The following DPP6 variants were observed in gnomAD, a reference collection of about 807,000 sequenced individuals.
DPP6 encodes A-type potassium channel modulatory protein DPP6.
DPP6 carries 69 observed loss-of-function variants against 122.6 expected under a neutral mutation model. The observed-to-expected ratio is 0.56, with a 90% CI of 0.46 to 0.69. DPP6 has a LOEUF of 0.69. Among genes scored for constraint, DPP6 ranks in the 30% least tolerant of loss-of-function variants. The pLI is 0.00. For missense variants in DPP6, 928 were observed against 1,116.9 expected, an observed-to-expected ratio of 0.83 and a Z score of 2.41; for synonymous variants, 418 against 433.1, an observed-to-expected ratio of 0.97 and a Z score of 0.43.
chr7:154,006,280 G>A (rs1438633767), intron 1 of DPP6, among the ~76,000 whole-genome samples: 5 of 152,004 alleles, frequency 3.3e-5, no homozygotes, highest in African/African-American at 7.2e-5. Context: ...GCCCCAAGAT[G>A]TTGGGGTTCA....
intron 1 of DPP6, among the ~76,000 whole-genome samples, chr7:154,089,717 C>T (rs546291113): frequency 7.1e-6 from 1 of 141,318 alleles, no homozygotes; most frequent in Non-Finnish European, 1.5e-5. Flanking sequence ...CTCATGAAAT[C>T]GACGTGAAAT....
chr7:154,796,516 A>G (rs2150437197), intron 12 of DPP6, among the ~76,000 whole-genome samples: 1 of 152,334 alleles, frequency 6.6e-6, no homozygotes, highest in Middle Eastern at 3.4e-3. Flanking sequence ...TTCTTTCTTC[A>G]AGCCTTTTTG....
intron 1 of DPP6, among the ~76,000 whole-genome samples, chr7:154,332,417 G>A (rs1196921604): frequency 6.6e-6 from 1 of 152,232 alleles, no homozygotes; most frequent in Non-Finnish European, 1.5e-5. Context: ...GGAAGTGTTT[G>A]TTAAAGTACA....
intron 2 of DPP6, among the ~76,000 whole-genome samples, chr7:154,447,264 C>G (rs1300321003): frequency 1.3e-5 from 2 of 152,070 alleles, no homozygotes; most frequent in African/African-American, 4.8e-5. Context: ...CATGATTGCG[C>G]CATTGCACTC....
chr7:154,739,914 G>A (rs1842741218), intron 8 of DPP6, among the ~76,000 whole-genome samples: 1 of 152,190 alleles, frequency 6.6e-6, no homozygotes, highest in South Asian at 2.1e-4. Context: ...CTAGTTCTCA[G>A]AACCAAAGCT....
intron 1 of DPP6, among the ~76,000 whole-genome samples, chr7:154,347,161 C>G (rs1217755788): frequency 6.6e-6 from 1 of 152,196 alleles, no homozygotes; most frequent in Non-Finnish European, 1.5e-5. Context: ...ATGTAACGTA[C>G]AGGAGACCTG....
rs144438178 is a variant in DPP6 at position 154,502,985 on chromosome 7, G to A, written c.457+27948G>A. Among the ~76,000 whole-genome samples, 351 of 152,270 alleles carry A rather than the reference G, an allele frequency of 2.3e-3. 4 individuals are homozygous for A. The highest frequency in any genetic ancestry group is 0.02 in the Admixed American group (307 of 15,286). On this transcript the variant is annotated intron_variant, in intron 3 of 25. Transcript: ENST00000377770. Reference sequence around the variant, plus strand: ...GCTCATCATCAAAAAACTTGAACTTGTCTTTTAAGGTCTCTATCTGGTCAA... The same window carrying A: ...GCTCATCATCAAAAAACTTGAACTTATCTTTTAAGGTCTCTATCTGGTCAA...
In DPP6 at chr7:154,364,777, G is replaced by C. The variant is rs190946115; in HGVS notation, c.244-81437G>C. ...TCATTCTGCACCTCGAGATTGACTT[G>C]ATGTCTTAACTTTTGCATTGGATGA... On this transcript the variant is annotated intron_variant, in intron 1 of 25. Coordinates refer to ENST00000377770, the MANE Select transcript of DPP6 (RefSeq NM_130797.4). Among the ~76,000 whole-genome samples the C allele has an allele frequency of 7.2e-4, 110 of 152,302 alleles. 2 individuals are homozygous for C. Among genetic ancestry groups the C allele is most frequent in the Admixed American group, 6.5e-3 (99 of 15,300 alleles).
At chr7:154,885,981 A>G (rs1806117891) in intron 22 of DPP6, among the ~76,000 whole-genome samples, 1 of 152,192 alleles carries the variant, frequency 6.6e-6, no homozygotes, top group East Asian at 1.9e-4. Context: ...TCACATCCCA[A>G]TGAAGACCAC....
intron 1 of DPP6, among the ~76,000 whole-genome samples, chr7:153,923,638 G>A (rs111606714): frequency 0.064 from 9,724 of 151,822 alleles, 326 homozygotes; most frequent in African/African-American, 0.08. Context: ...GCGGGCACCT[G>A]TAGTCCCAGC....
chr7:154,747,159 C>T (rs1012863107), intron 8 of DPP6, among the ~76,000 whole-genome samples: 5 of 152,164 alleles, frequency 3.3e-5, no homozygotes, highest in African/African-American at 7.2e-5. Context: ...CAGTCTGCTC[C>T]GTTTAAGGGA....
intron 7 of DPP6, among the ~76,000 whole-genome samples, chr7:154,694,701 G>A (rs1282220723): frequency 2.6e-5 from 4 of 152,206 alleles, no homozygotes; most frequent in African/African-American, 4.8e-5. Context: ...CTTGATGTAA[G>A]TGATGAAGAT....
the DPP6 span, among the ~76,000 whole-genome samples, chr7:153,797,706 C>T: frequency 6.6e-6 from 1 of 152,104 alleles, no homozygotes; most frequent in African/African-American, 2.4e-5. Context: ...GTTCTGGAAG[C>T]TGGAAAACCC....
At chr7:154,120,204 T>C (rs910112012) in intron 1 of DPP6, among the ~76,000 whole-genome samples, 16 of 152,192 alleles carry the variant, frequency 1.1e-4, no homozygotes, top group African/African-American at 3.9e-4. Flanking sequence ...GACTGTGTTA[T>C]GATTTCTATA....
At chr7:153,877,339 AC>A in the DPP6 span, among the ~76,000 whole-genome samples, 2 of 152,028 alleles carry the variant, frequency 1.3e-5, no homozygotes, top group African/African-American at 4.8e-5. Flanking sequence ...TTCATTTGTT[AC>A]TTTTTAAACT....
chr7:154,080,370 G>GATTAACCC (rs1389790990), intron 1 of DPP6, among the ~76,000 whole-genome samples: 1 of 152,056 alleles, frequency 6.6e-6, no homozygotes, highest in Non-Finnish European at 1.5e-5. Flanking sequence ...GTTGACTTCT[G>GATTAACCC]ATTAACCCCA....
exon 1 of DPP6, chr7:153,887,626 G>C (rs1798988532): frequency 3.1e-6 from 5 of 1,599,526 alleles, no homozygotes; most frequent in Non-Finnish European, 4.3e-6. Flanking sequence ...TCCTCACCAG[G>C]ACAATGGATT....
At chr7:154,785,997 T>C (rs182620994) in intron 10 of DPP6, among the ~76,000 whole-genome samples, 1 of 152,298 alleles carries the variant, frequency 6.6e-6, no homozygotes, top group Non-Finnish European at 1.5e-5. Flanking sequence ...TCCATAGCCC[T>C]GGTATTGTCT....
chr7:153,815,999 C>T, the DPP6 span, among the ~76,000 whole-genome samples: 1 of 152,074 alleles, frequency 6.6e-6, no homozygotes. Context: ...ATTCTCACCA[C>T]ATATCATACC....
Sources: gnomAD v4.1 joint callset for allele counts (sites outside exome capture counted in the v4.1 genomes callset) on GRCh38, gnomAD v4.1.1 for gene constraint, MANE v1.5 for transcripts, NCBI Gene and HGNC (gene_info 2026-07-23, HGNC 2026-07-21) for gene names.